Variants in CIMAP2 observed in about 807,000 individuals in gnomAD.
The protein encoded by CIMAP2 is ciliary microtubule-associated protein 2.
At chr1:54,807,962 C>G in the CIMAP2 span, 1 of 1,607,556 alleles carries the variant, frequency 6.2e-7, no homozygotes, top group African/African-American at 1.3e-5. Flanking sequence ...CCATGTAGCA[C>G]CCGGGGGCTG....
chr1:54,809,646 T>C, the CIMAP2 span, among the ~76,000 whole-genome samples: 1 of 152,084 alleles, frequency 6.6e-6, no homozygotes, highest in Non-Finnish European at 1.5e-5. Flanking sequence ...GTGTCCAACA[T>C]GTACCTTGCA....
the CIMAP2 span, chr1:54,811,766 C>CGGGGGGGGGGGGGGGG: frequency 2.1e-5 from 27 of 1,305,152 alleles, no homozygotes; most frequent in East Asian, 5.0e-5. Context: ...GTTCTGACAG[C>CGGGGGGGGGGGGGGGG]CTCCATGCCC....
At chr1:54,814,965 G>A in the CIMAP2 span, 20 of 1,614,046 alleles carry the variant, frequency 1.2e-5, no homozygotes, top group Admixed American at 1.7e-5. Context: ...ATGCAAACCC[G>A]TCAACCAGCC....
chr1:54,809,228 A>C, the CIMAP2 span, among the ~76,000 whole-genome samples: 1 of 152,196 alleles, frequency 6.6e-6, no homozygotes, highest in South Asian at 2.1e-4. Context: ...ACAGCTGCTA[A>C]GTGGGCAAGC....
chr1:54,826,815 A>G, the CIMAP2 span, among the ~76,000 whole-genome samples: 226 of 152,320 alleles, frequency 1.5e-3, no homozygotes, highest in African/African-American at 5.1e-3. Flanking sequence ...ATGCCTCAGA[A>G]GTTCTATGCT....
chr1:54,813,795 T>G, the CIMAP2 span: 2 of 1,582,876 alleles, frequency 1.3e-6, no homozygotes, highest in Non-Finnish European at 1.7e-6. Context: ...GCAGATTCCT[T>G]TTTCTCTCTT....
At chr1:54,820,210 C>T in the CIMAP2 span, among the ~76,000 whole-genome samples, 3 of 146,338 alleles carry the variant, frequency 2.1e-5, no homozygotes, top group Admixed American at 2.1e-4. Flanking sequence ...TTTTCTTTTC[C>T]TGTTTTACAT....
chr1:54,814,805 A>C, the CIMAP2 span: 1 of 1,501,754 alleles, frequency 6.7e-7, no homozygotes, highest in Non-Finnish European at 9.1e-7. Context: ...CTCAAGACCC[A>C]GGGCTGCTGG....
chr1:54,826,019 G>C, the CIMAP2 span, among the ~76,000 whole-genome samples: 2 of 152,194 alleles, frequency 1.3e-5, no homozygotes, highest in Non-Finnish European at 2.9e-5. Flanking sequence ...CCTGGTGGCA[G>C]TGGCTACAGG....
chr1:54,811,773 G>GGGGGGGGGGC, the CIMAP2 span: 2 of 1,325,048 alleles, frequency 1.5e-6, no homozygotes, highest in Non-Finnish European at 2.0e-6. Context: ...CAGCCTCCAT[G>GGGGGGGGGGC]CCCCCACCCC....
At chr1:54,808,127 A>G in the CIMAP2 span, 101 of 1,181,346 alleles carry the variant, frequency 8.5e-5, no homozygotes, top group Non-Finnish European at 1.2e-4. Flanking sequence ...AGGATTAAGC[A>G]CCTCCTAAGT....
At chr1:54,823,385 T>C in the CIMAP2 span, among the ~76,000 whole-genome samples, 2 of 152,120 alleles carry the variant, frequency 1.3e-5, no homozygotes, top group Non-Finnish European at 2.9e-5. Flanking sequence ...CTGATATAAG[T>C]ATAGCTACTC....
chr1:54,832,956 G>A, the CIMAP2 span, among the ~76,000 whole-genome samples: 1 of 152,100 alleles, frequency 6.6e-6, no homozygotes, highest in Non-Finnish European at 1.5e-5. Context: ...GAGCCTAGGA[G>A]GTTGAGGCTG....
the CIMAP2 span, among the ~76,000 whole-genome samples, chr1:54,824,386 T>C: frequency 8.0e-6 from 1 of 125,234 alleles, no homozygotes; most frequent in Non-Finnish European, 1.7e-5. Context: ...CTTTTAATTG[T>C]ATCTATTTGG....
the CIMAP2 span, among the ~76,000 whole-genome samples, chr1:54,820,643 A>AT: frequency 1.3e-5 from 2 of 152,184 alleles, no homozygotes; most frequent in Non-Finnish European, 2.9e-5. Context: ...GTGAGATGAT[A>AT]TCCCTCAATT....
the CIMAP2 span, chr1:54,811,836 C>T: frequency 5.9e-6 from 9 of 1,524,574 alleles, no homozygotes; most frequent in African/African-American, 1.3e-4. Flanking sequence ...GAAGGGTAAC[C>T]CATACACCAA....
chr1:54,821,548 C>A, the CIMAP2 span, among the ~76,000 whole-genome samples: 1 of 152,010 alleles, frequency 6.6e-6, no homozygotes. Flanking sequence ...GATATCTTTC[C>A]ATTTGTTTGT....
chr1:54,807,504 C>A, the CIMAP2 span: 1 of 1,497,306 alleles, frequency 6.7e-7, no homozygotes, highest in South Asian at 1.4e-5. Context: ...GCTGTCACAG[C>A]TCTGACCACA....
the CIMAP2 span, among the ~76,000 whole-genome samples, chr1:54,810,708 A>G: frequency 1.3e-5 from 2 of 152,170 alleles, no homozygotes; most frequent in African/African-American, 2.4e-5. Flanking sequence ...TCTCTACCCA[A>G]TGTGGACTGC....
Sources: allele counts gnomAD v4.1 joint callset (sites outside exome capture counted in the v4.1 genomes callset), GRCh38; gene constraint gnomAD v4.1.1; transcripts MANE v1.5; gene names NCBI Gene and HGNC (gene_info 2026-07-23, HGNC 2026-07-21).